Variants in GLCE observed in about 807,000 individuals in gnomAD.
GLCE encodes the protein glucuronic acid epimerase.
In GLCE, 19 loss-of-function variants were observed where a neutral mutation model predicts 47.9. That is an observed-to-expected ratio of 0.40 (90% CI 0.28 to 0.58). GLCE has a LOEUF of 0.58. Ranked by LOEUF, GLCE falls within the 20% of genes least tolerant of loss-of-function variation. The pLI, the probability that GLCE is intolerant of heterozygous loss-of-function variation, is 0.48. For synonymous variants in GLCE, 245 were observed against 263.4 expected (o/e 0.93, Z 0.68); for missense variants, 556 against 743.3 (o/e 0.75, Z 2.93).
At chr15:69,214,696 C>A (rs1240200992) in intron 2 of GLCE, among the ~76,000 whole-genome samples, 3 of 152,148 alleles carry the variant, frequency 2.0e-5, no homozygotes, top group Non-Finnish European at 4.4e-5. Context: ...CTGATACCTT[C>A]AACTCCAGTT....
chr15:69,235,409 G>A lies in GLCE; in HGVS notation c.-13-20385G>A, dbSNP rs539513066. Among the ~76,000 whole-genome samples, 15 of 144,104 alleles carry A rather than the reference G, an allele frequency of 1.0e-4. 1 individual carries two copies. The South Asian group carries it at 2.7e-3, about 26-fold the overall frequency. 94.5% of individuals were successfully genotyped at this position (144,104 alleles called of 152,430 possible). The stretch of plus-strand genomic sequence containing the variant: ...AGGTATGAGTCACTGTGCCCGGCCT[G>A]AAGATTATTATTTTTCTAATTGACT... On this transcript the variant is annotated intron_variant, in intron 2 of 4. Coordinates refer to ENST00000261858, the MANE Select transcript of GLCE (RefSeq NM_015554.3).
chr15:69,243,077 G>GAAAGAAAGAAATGA (rs1233462405), intron 2 of GLCE, among the ~76,000 whole-genome samples: 6 of 137,966 alleles, frequency 4.3e-5, no homozygotes, highest in African/African-American at 1.7e-4. Context: ...AAAAAAAAAA[G>GAAAGAAAGAAATGA]AAAGAAAGAA....
At chr15:69,194,753 C>T (rs992629720) in intron 1 of GLCE, among the ~76,000 whole-genome samples, 14 of 152,042 alleles carry the variant, frequency 9.2e-5, no homozygotes, top group African/African-American at 3.4e-4. Flanking sequence ...TCTCATGTTA[C>T]TACTGCTTGA....
intron 1 of GLCE, among the ~76,000 whole-genome samples, chr15:69,206,706 A>G (rs1260845642): frequency 1.3e-5 from 2 of 151,816 alleles, no homozygotes; most frequent in Non-Finnish European, 1.5e-5. Context: ...CAGGCTTATC[A>G]TATATTTTCT....
chr15:69,169,377 A>G (rs2051552648), intron 1 of GLCE, among the ~76,000 whole-genome samples: 1 of 152,188 alleles, frequency 6.6e-6, no homozygotes, highest in African/African-American at 2.4e-5. Flanking sequence ...ATATCTCCAT[A>G]TATATACACA....
At chr15:69,262,084 T>G (rs933400176) in intron 4 of GLCE, among the ~76,000 whole-genome samples, 4 of 152,300 alleles carry the variant, frequency 2.6e-5, no homozygotes, top group African/African-American at 9.6e-5. Context: ...GTCTTGCAGT[T>G]GGTAAATAAA....
At chr15:69,195,633 A>ATGT (rs2051976697) in intron 1 of GLCE, among the ~76,000 whole-genome samples, 1 of 152,122 alleles carries the variant, frequency 6.6e-6, no homozygotes, top group Non-Finnish European at 1.5e-5. Flanking sequence ...ACAATTCTGG[A>ATGT]TGTTTTCTCC....
intron 1 of GLCE, among the ~76,000 whole-genome samples, chr15:69,162,984 TG>T (rs1385556483): frequency 1.3e-5 from 2 of 152,242 alleles, no homozygotes; most frequent in Admixed American, 1.3e-4. Flanking sequence ...TACATCATTT[TG>T]AAAAACAAAG....
At chr15:69,218,346 CCAAAAAAATA>C (rs2052335333) in intron 2 of GLCE, among the ~76,000 whole-genome samples, 1 of 151,510 alleles carries the variant, frequency 6.6e-6, no homozygotes, top group African/African-American at 2.4e-5. Context: ...CCCATCTCTG[CCAAAAAAATA>C]CAAAAAAATT....
chr15:69,266,810 C>G (rs953694535), intron 4 of GLCE: 7 of 499,572 alleles, frequency 1.4e-5, no homozygotes, highest in African/African-American at 1.0e-4. Flanking sequence ...GATTCTAGTC[C>G]CTGCTCTACA....
chr15:69,231,778 C>T (rs1022539307), intron 2 of GLCE, among the ~76,000 whole-genome samples: 3 of 151,920 alleles, frequency 2.0e-5, no homozygotes, highest in African/African-American at 7.3e-5. Flanking sequence ...AGATATCTAT[C>T]TATCTTTTTT....
intron 3 of GLCE, among the ~76,000 whole-genome samples, chr15:69,258,531 A>G (rs2052966740): frequency 6.6e-6 from 1 of 152,192 alleles, no homozygotes; most frequent in African/African-American, 2.4e-5. Context: ...CCTTCTCTTT[A>G]GTTGTACACT....
chr15:69,254,894 G>A (rs945363690), intron 2 of GLCE, among the ~76,000 whole-genome samples: 2 of 152,140 alleles, frequency 1.3e-5, no homozygotes, highest in African/African-American at 4.8e-5. Context: ...ACTGAATAGA[G>A]ATAAAGAAGT....
At chr15:69,222,360 T>C (rs1184863882) in intron 2 of GLCE, among the ~76,000 whole-genome samples, 1 of 152,102 alleles carries the variant, frequency 6.6e-6, no homozygotes, top group East Asian at 1.9e-4. Context: ...GGGCAGGAAG[T>C]GCTCCAGCAG....
At chr15:69,183,872 A>T (rs920642220) in intron 1 of GLCE, among the ~76,000 whole-genome samples, 1 of 152,174 alleles carries the variant, frequency 6.6e-6, no homozygotes, top group Non-Finnish European at 1.5e-5. Context: ...AACACATAAC[A>T]CTTGAGAAAG....
rs2053127458 is a variant in GLCE at position 69,269,077 on chromosome 15, C to T, written c.1687C>T (p.Arg563Cys). 7 of 1,614,182 alleles carry T rather than the reference C, an allele frequency of 4.3e-6. No individual in the cohort carries two copies. The highest frequency in any genetic ancestry group is 1.1e-5 in the South Asian group (1 of 91,082). The change falls in exon 5 of 5, where the codon CGT (arginine) becomes TGT (cysteine). Residue 563 changes from arginine to cysteine, a missense_variant. Physicochemically the swap from Arg to Cys is radical, Grantham distance 180 (BLOSUM62 -3). Around this residue, in one of 3 missense-constraint regions of GLCE, gnomAD observed 245 missense variants for 368.1 expected, o/e 0.67. Transcript: ENST00000261858. Reference protein sequence around the residue: ...DTGSGTIYDLRHFMLGIAPNL... With the variant: ...DTGSGTIYDLCHFMLGIAPNL... ...TGGCTCAGGAACCATCTATGACCTC[C>T]GTCACTTCATGCTTGGCATCGCTCC...
intron 1 of GLCE, among the ~76,000 whole-genome samples, chr15:69,172,765 G>A (rs534222328): frequency 6.6e-6 from 1 of 152,248 alleles, no homozygotes; most frequent in South Asian, 2.1e-4. Flanking sequence ...TCCTATTTAA[G>A]ATTTTTATCA....
chr15:69,260,252 G>GCTTTTTT (rs57452657), intron 3 of GLCE, among the ~76,000 whole-genome samples: 13 of 79,248 alleles, frequency 1.6e-4, no homozygotes, highest in African/African-American at 5.6e-4. Context: ...GTCACAACTG[G>GCTTTTTT]TTTTTTTTTT....
intron 1 of GLCE, among the ~76,000 whole-genome samples, chr15:69,194,702 G>A (rs8042958): frequency 0.016 from 2,379 of 152,200 alleles, 82 homozygotes; most frequent in African/African-American, 0.055. Flanking sequence ...TTCAGGGGTT[G>A]TTCTAAAACA....
Sources: allele counts gnomAD v4.1 joint callset (sites outside exome capture counted in the v4.1 genomes callset), GRCh38; gene constraint gnomAD v4.1.1; regional missense constraint gnomAD v4.1.1; transcripts MANE v1.5; gene names NCBI Gene and HGNC (gene_info 2026-07-23, HGNC 2026-07-21).